GDAP1: variants seen among roughly 807,000 people sequenced by gnomAD.
GDAP1 encodes ganglioside induced differentiation associated protein 1, also known as ganglioside-induced differentiation-associated protein 1.
In GDAP1, 34 loss-of-function variants were observed where a neutral mutation model predicts 40.1. The ratio of observed to expected loss-of-function variants is 0.85; its 90% CI spans 0.64 to 1.13. GDAP1 has a LOEUF of 1.13. Among genes scored for constraint, GDAP1 ranks in the 50% most tolerant of loss-of-function variants. GDAP1 has a pLI of 0.00. For synonymous variants in GDAP1, 170 were observed against 157.4 expected, an observed-to-expected ratio of 1.08 and a Z score of -0.60; for missense variants, 374 against 433.7, an observed-to-expected ratio of 0.86 and a Z score of 1.22.
At chr8:74,484,415 T>C (rs1263421288) in intron 2 of GDAP1, among the ~76,000 whole-genome samples, 1 of 152,200 alleles carries the variant, frequency 6.6e-6, no homozygotes, top group Non-Finnish European at 1.5e-5. Flanking sequence ...CAGCATTCCA[T>C]TATGTATTCA....
intron 2 of GDAP1, among the ~76,000 whole-genome samples, chr8:74,358,724 C>A (rs989090478): frequency 6.6e-6 from 1 of 152,056 alleles, no homozygotes; most frequent in African/African-American, 2.4e-5. Context: ...TTTAGGAAAA[C>A]CCAGGGATCC....
intron 2 of GDAP1, among the ~76,000 whole-genome samples, chr8:74,470,505 C>T (rs1471818852): frequency 2.0e-5 from 3 of 151,918 alleles, no homozygotes; most frequent in Non-Finnish European, 4.4e-5. Flanking sequence ...CATGTGGTGT[C>T]TGGTTTTTTG....
chr8:74,467,590 A>G (rs1182564022), intron 2 of GDAP1, among the ~76,000 whole-genome samples: 2 of 152,212 alleles, frequency 1.3e-5, no homozygotes, highest in African/African-American at 4.8e-5. Flanking sequence ...AAGGATGGTT[A>G]CAATAAAGCT....
chr8:74,386,843 G>T (rs556589774), intron 2 of GDAP1, among the ~76,000 whole-genome samples: 2 of 152,232 alleles, frequency 1.3e-5, no homozygotes, highest in African/African-American at 4.8e-5. Context: ...CACTGTTTGT[G>T]TCCTCTCTTA....
At chr8:74,467,971 C>T (rs1209179164) in intron 2 of GDAP1, among the ~76,000 whole-genome samples, 3 of 151,812 alleles carry the variant, frequency 2.0e-5, no homozygotes, top group African/African-American at 4.8e-5. Flanking sequence ...ATTGATATAA[C>T]CTGATTTTTT....
intron 2 of GDAP1, among the ~76,000 whole-genome samples, chr8:74,358,642 G>A (rs1239284545): frequency 6.6e-6 from 1 of 152,184 alleles, no homozygotes; most frequent in African/African-American, 2.4e-5. Context: ...ACTTGAGAGA[G>A]AATAAGAGTG....
At chr8:74,473,190 T>C (rs189731451) in intron 2 of GDAP1, among the ~76,000 whole-genome samples, 154 of 152,310 alleles carry the variant, frequency 1.0e-3, no homozygotes, top group African/African-American at 3.7e-3. Flanking sequence ...AGATGGTGAA[T>C]ATTAGACCTT....
chr8:74,458,726 T>C (rs1806365614), intron 2 of GDAP1, among the ~76,000 whole-genome samples: 1 of 152,182 alleles, frequency 6.6e-6, no homozygotes, highest in South Asian at 2.1e-4. Flanking sequence ...ACCTGGACCC[T>C]GTGAATTTAA....
At chr8:74,351,788 A>G (rs1808887942) in intron 2 of GDAP1, among the ~76,000 whole-genome samples, 1 of 152,222 alleles carries the variant, frequency 6.6e-6, no homozygotes, top group Admixed American at 6.5e-5. Context: ...ATAATATTCT[A>G]AATGTGCACT....
chr8:74,430,355 A>G (rs73331342), intron 2 of GDAP1, among the ~76,000 whole-genome samples: 5,421 of 152,280 alleles, frequency 0.036, 313 homozygotes, highest in African/African-American at 0.12. Context: ...TTGGATATCT[A>G]CTGGAGTAGC....
At chr8:74,362,306 A>G (rs1279993075) in intron 4 of GDAP1, among the ~76,000 whole-genome samples, 1 of 152,058 alleles carries the variant, frequency 6.6e-6, no homozygotes, top group Non-Finnish European at 1.5e-5. Context: ...ACATCCCTCC[A>G]TGTGTCGCCC....
In GDAP1 at chr8:74,362,988, A is replaced by G. The variant is rs200390101; in HGVS notation, c.629A>G (p.Asp210Gly). The change falls in exon 5 of 6, where the codon GAT becomes GGT. Residue 210 changes from aspartate (D) to glycine (G), a missense_variant. Asp to Gly is a moderately conservative substitution (Grantham distance 94). Transcript: ENST00000220822. ...DNVKYLKKIL[D>G]ELEKVLDQVE... ...GTCAAGTATTTGAAGAAAATTCTTG[A>G]TGAGTTGGAGAAAGTCTTGGATCAG... 2 of 1,596,348 alleles carry G rather than the reference A, an allele frequency of 1.3e-6. No homozygotes were observed. The highest frequency in any genetic ancestry group is 1.3e-5 in the African/African-American group (1 of 74,566).
At chr8:74,401,789 G>A (rs1031666061) in intron 2 of GDAP1, among the ~76,000 whole-genome samples, 3 of 150,054 alleles carry the variant, frequency 2.0e-5, no homozygotes. Context: ...ACCCTGAGCT[G>A]CAGGTCTGTT....
rs1048488315 is a variant in GDAP1 at position 74,411,814 on chromosome 8, C to T, written c.165+60493C>T. Among the ~76,000 whole-genome samples, 3 of 148,776 alleles carry T rather than the reference C, an allele frequency of 2.0e-5. 1 individual carries two copies. Among genetic ancestry groups the T allele is most frequent in the African/African-American group, 7.8e-5 (3 of 38,566 alleles). ...GGAGGATCACTTGAGCCTGGGAGGT[C>T]GAGGCTGTGGTGAGCTGTGATTGCA... is the stretch of plus-strand genomic sequence containing the variant. On this transcript the variant is annotated intron_variant, in intron 2 of 2. Coordinates refer to the GDAP1 transcript ENST00000523640.
chr8:74,460,539 G>C (rs1806387966), intron 2 of GDAP1, among the ~76,000 whole-genome samples: 1 of 152,160 alleles, frequency 6.6e-6, no homozygotes, highest in South Asian at 2.1e-4. Flanking sequence ...CTCCTTTATG[G>C]GAGGGCCCCT....
chr8:74,442,016 A>G (rs1487434602), intron 2 of GDAP1, among the ~76,000 whole-genome samples: 3 of 152,240 alleles, frequency 2.0e-5, no homozygotes, highest in East Asian at 3.9e-4. Flanking sequence ...TTTCTGTTCA[A>G]TTTTCTTCAT....
chr8:74,350,622 C>T, intron 1 of GDAP1, 44 bp downstream of exon 1: 1 of 1,191,256 alleles, frequency 8.4e-7, no homozygotes, highest in Non-Finnish European at 1.3e-6. Flanking sequence ...GATCGGGCTT[C>T]AGCACTGGGA....
At chr8:74,424,844 ACACATCCAAGACTCTACCTGC>A (rs1489219368) in intron 2 of GDAP1, among the ~76,000 whole-genome samples, 3 of 152,214 alleles carry the variant, frequency 2.0e-5, no homozygotes, top group African/African-American at 7.2e-5. Flanking sequence ...CATCTATTTC[ACACATCCAAGACTCTACCTGC>A]CACTAACAAA....
chr8:74,400,436 C>T (rs1442637522), intron 2 of GDAP1, among the ~76,000 whole-genome samples: 2 of 149,478 alleles, frequency 1.3e-5, no homozygotes, highest in South Asian at 2.1e-4. Flanking sequence ...TATTTTGAGT[C>T]TATGTGTGTC....
Sources: gnomAD v4.1 joint callset for allele counts (sites outside exome capture counted in the v4.1 genomes callset) on GRCh38, gnomAD v4.1.1 for gene constraint, MANE v1.5 for transcripts, NCBI Gene and HGNC (gene_info 2026-07-23, HGNC 2026-07-21) for gene names.